Variants in ZMYM2 observed in about 807,000 individuals in gnomAD.
ZMYM2 encodes zinc finger MYM-type containing 2.
ZMYM2 carries 56 observed loss-of-function variants against 162.8 expected under a neutral mutation model. That is an observed-to-expected ratio of 0.34 (90% CI 0.28 to 0.43). The LOEUF (loss-of-function observed/expected upper bound fraction) is 0.43, where lower values mean the gene tolerates loss of function less well. ZMYM2 is among the 20% of genes least tolerant of loss of function. ZMYM2 has a pLI of 1.00. For synonymous variants in ZMYM2, 510 were observed against 541.6 expected (o/e 0.94, Z 0.81); for missense variants, 1,275 against 1,621.8 (o/e 0.79, Z 3.67).
the ZMYM2 span, among the ~76,000 whole-genome samples, chr13:19,929,484 C>A: frequency 6.6e-6 from 1 of 152,112 alleles, no homozygotes; most frequent in African/African-American, 2.4e-5. Flanking sequence ...TTGATCTGCC[C>A]GCCTCGACCT....
At chr13:19,881,063 AT>A in the ZMYM2 span, among the ~76,000 whole-genome samples, 1 of 150,458 alleles carries the variant, frequency 6.6e-6, no homozygotes, top group Non-Finnish European at 1.5e-5. Flanking sequence ...TAATTTTTGT[AT>A]TTTTAGTAGA....
At chr13:20,030,311 A>G (rs1362838261) in intron 9 of ZMYM2, among the ~76,000 whole-genome samples, 6 of 147,454 alleles carry the variant, frequency 4.1e-5, no homozygotes, top group Non-Finnish European at 9.0e-5. Context: ...GCTCACTGCA[A>G]CCTCCGCCTC....
rs190926858 is a variant in ZMYM2 at position 20,041,564 on chromosome 13, A to G, written c.2292+4655A>G. Among the ~76,000 whole-genome samples the G allele has an allele frequency of 1.1e-3, 173 of 152,142 alleles. 1 individual carries two copies. In the Middle Eastern group the frequency reaches 0.017, roughly 15 times the overall value. On this transcript the variant is annotated intron_variant, in intron 12 of 24. Transcript: ENST00000610343. ...CTGTTTACATTTAAGGTTAGTATTG[A>G]TATGTGTGGGTTTGATCCTGTCATC...
chr13:20,043,767 G>A (rs1421933122), intron 12 of ZMYM2, among the ~76,000 whole-genome samples: 1 of 152,130 alleles, frequency 6.6e-6, no homozygotes, highest in African/African-American at 2.4e-5. Flanking sequence ...ACACGTGGGT[G>A]CTGGCTGGGT....
intron 4 of ZMYM2, among the ~76,000 whole-genome samples, chr13:20,003,967 A>T (rs1293552190): frequency 1.3e-5 from 2 of 151,810 alleles, no homozygotes; most frequent in African/African-American, 4.8e-5. Flanking sequence ...CTGTTTTTTG[A>T]TCTAGCTTCA....
chr13:20,032,988 T>C (rs1335821646), intron 10 of ZMYM2, among the ~76,000 whole-genome samples: 1 of 152,158 alleles, frequency 6.6e-6, no homozygotes, highest in Non-Finnish European at 1.5e-5. Flanking sequence ...TTTTTTAGTT[T>C]ATTATTTGCT....
At chr13:19,885,901 A>ACATATGTGTG in the ZMYM2 span, among the ~76,000 whole-genome samples, 6 of 107,364 alleles carry the variant, frequency 5.6e-5, 1 homozygote, top group Non-Finnish European at 1.2e-4. Context: ...GTGTATACAC[A>ACATATGTGTG]TATATATGTA....
At chr13:20,022,003 C>T (rs1952152561) in intron 7 of ZMYM2, among the ~76,000 whole-genome samples, 1 of 152,176 alleles carries the variant, frequency 6.6e-6, no homozygotes, top group Admixed American at 6.5e-5. Flanking sequence ...TTAACCTCCC[C>T]TTCCCCCAGC....
At chr13:19,952,866 T>C in the ZMYM2 span, among the ~76,000 whole-genome samples, 5 of 152,126 alleles carry the variant, frequency 3.3e-5, no homozygotes, top group Non-Finnish European at 7.4e-5. Context: ...TGAATATTTG[T>C]CCCCTCCACA....
chr13:19,965,706 C>T (rs1197445096), intron 2 of ZMYM2, among the ~76,000 whole-genome samples: 1 of 151,448 alleles, frequency 6.6e-6, no homozygotes, highest in East Asian at 1.9e-4. Context: ...TTTTTTCGTT[C>T]CAGGCTTGTC....
intron 2 of ZMYM2, among the ~76,000 whole-genome samples, chr13:19,975,912 G>A (rs1320626756): frequency 1.4e-5 from 2 of 147,850 alleles, no homozygotes; most frequent in Non-Finnish European, 3.0e-5. Flanking sequence ...ATGTAGAGCT[G>A]GAGTCTTGCT....
chr13:19,919,619 C>T, the ZMYM2 span, among the ~76,000 whole-genome samples: 1 of 151,138 alleles, frequency 6.6e-6, no homozygotes, highest in African/African-American at 2.4e-5. Flanking sequence ...TTTTCATGTG[C>T]TTATTGCCAT....
the ZMYM2 span, among the ~76,000 whole-genome samples, chr13:19,900,861 G>A: frequency 5.9e-5 from 9 of 152,044 alleles, no homozygotes; most frequent in Non-Finnish European, 1.2e-4. Context: ...GTAAAACCCC[G>A]TCTCCACTAA....
At chr13:19,878,019 C>G in the ZMYM2 span, among the ~76,000 whole-genome samples, 4 of 151,492 alleles carry the variant, frequency 2.6e-5, no homozygotes, top group African/African-American at 4.8e-5. Context: ...GTTCCAATTT[C>G]TTCACATTCT....
At chr13:20,070,753 C>G (rs1957025637) in intron 21 of ZMYM2, 1 of 152,356 alleles carries the variant, frequency 6.6e-6, no homozygotes, top group African/African-American at 2.4e-5. Flanking sequence ...TCGTGATCCA[C>G]CCATCTCAGC....
intron 21 of ZMYM2, among the ~76,000 whole-genome samples, chr13:20,078,023 T>A (rs1175447087): frequency 4.6e-5 from 7 of 152,000 alleles, no homozygotes; most frequent in African/African-American, 2.4e-5. Flanking sequence ...TTCACTGTGT[T>A]AGCCAGGATG....
chr13:20,016,360 T>C (rs1373877940), intron 6 of ZMYM2, among the ~76,000 whole-genome samples: 1 of 152,180 alleles, frequency 6.6e-6, no homozygotes, highest in Admixed American at 6.5e-5. Flanking sequence ...CAATTTTGTG[T>C]GCATATTTGT....
chr13:19,896,782 A>G, the ZMYM2 span, among the ~76,000 whole-genome samples: 1 of 150,978 alleles, frequency 6.6e-6, no homozygotes, highest in Non-Finnish European at 1.5e-5. Context: ...AAAGAAAAAA[A>G]AAGAATGGAA....
chr13:20,059,305 T>G, intron 15 of ZMYM2, 142 bp from the exon 16 acceptor site: 1 of 772,656 alleles, frequency 1.3e-6, no homozygotes, highest in Non-Finnish European at 1.9e-6. Context: ...CTTTTTAAGT[T>G]ACCTAACTTA....
Sources: allele counts gnomAD v4.1 joint callset (sites outside exome capture counted in the v4.1 genomes callset), GRCh38; gene constraint gnomAD v4.1.1; transcripts MANE v1.5; gene names NCBI Gene and HGNC (gene_info 2026-07-23, HGNC 2026-07-21).